The following FREM2 variants were observed in gnomAD, a reference collection of about 807,000 sequenced individuals.
The protein encoded by FREM2 is FRAS1-related extracellular matrix protein 2.
FREM2 carries 119 observed loss-of-function variants against 219.9 expected under a neutral mutation model. The ratio of observed to expected loss-of-function variants is 0.54; its 90% CI spans 0.47 to 0.63. The LOEUF (loss-of-function observed/expected upper bound fraction) is 0.63, where lower values mean the gene tolerates loss of function less well. Ranked by LOEUF, FREM2 falls within the 30% of genes least tolerant of loss-of-function variation. The probability of loss-of-function intolerance (pLI) is 0.00; values close to 1 mark genes in which losing one functional copy is unlikely to be tolerated. For synonymous variants in FREM2, 1,562 were observed against 1,522.8 expected, an observed-to-expected ratio of 1.03 and a Z score of -0.60; for missense variants, 4,030 against 3,993.6, an observed-to-expected ratio of 1.01 and a Z score of -0.25.
chr13:38,764,173 T>G (rs1873344295), intron 2 of FREM2, 131 bp from the exon 3 acceptor site: 2 of 689,624 alleles, frequency 2.9e-6, no homozygotes, highest in Non-Finnish European at 5.3e-6. Context: ...ATGTACATAT[T>G]CCAGAGTTGT....
chr13:38,856,127 A>T lies in FREM2; in HGVS notation c.6927A>T (p.Glu2309Asp), dbSNP rs1877547773. 1 of 1,605,642 alleles carries T rather than the reference A, an allele frequency of 6.2e-7. No individual in the cohort carries two copies. The highest frequency in any genetic ancestry group is 1.3e-5 in the African/African-American group (1 of 74,708). ...AAATCTGTGATGTTACATTTGTAGA[A>T]ATTGAGTTTAAGGAAGGGGAAACCC... ...SGEDYHPVSEEIEFKEGETQH... is the reference protein window; with the variant it reads ...SGEDYHPVSEDIEFKEGETQH... Residue 2309 changes from glutamate (E) to aspartate (D), a missense_variant and splice_region_variant, in exon 12 of 24, where the codon GAA becomes GAT. This residue lies in a region of FREM2 where 3,102 missense variants were observed against 2,950.7 expected (regional missense o/e 1.05). Coordinates refer to ENST00000280481, the MANE Select transcript of FREM2 (RefSeq NM_207361.6).
chr13:38,694,649 G>C (rs1217691932), intron 1 of FREM2, among the ~76,000 whole-genome samples: 1 of 152,222 alleles, frequency 6.6e-6, no homozygotes, highest in East Asian at 1.9e-4. Context: ...CAGGTAGCTA[G>C]AGAAGGTTAT....
chr13:38,687,211 G>C lies in FREM2; in HGVS notation c.-134G>C. 3 of 1,300,470 alleles carry C rather than the reference G, an allele frequency of 2.3e-6. No individual in the cohort carries two copies. In the South Asian group the frequency reaches 4.0e-5, roughly 17 times the overall value. 80.6% of individuals were successfully genotyped at this position (1,300,470 alleles called of 1,614,324 possible). On this transcript the variant is annotated 5_prime_UTR_variant, in exon 1 of 24. Coordinates refer to ENST00000280481, the MANE Select transcript of FREM2 (RefSeq NM_207361.6). ...GCAACTTTGCCATCCTTCTGGCCCA[G>C]CCCCGGCTACAGGAGGACCCCGCGG...
chr13:38,847,539 A>G (rs35657252), intron 7 of FREM2, among the ~76,000 whole-genome samples: 18,733 of 152,138 alleles, frequency 0.12, 1,379 homozygotes, highest in Admixed American at 0.21. Flanking sequence ...AGAAAGATTC[A>G]AATCACAGAT....
At chr13:38,878,070 T>C in intron 21 of FREM2, 64 bp from the exon 22 acceptor site, 1 of 1,328,878 alleles carries the variant, frequency 7.5e-7, no homozygotes, top group East Asian at 2.3e-5. Context: ...ATAACCTGTT[T>C]ACAGTGTCAC....
chr13:38,754,901 G>GATTATTATT (rs6145018), intron 2 of FREM2, among the ~76,000 whole-genome samples: 11,000 of 128,348 alleles, frequency 0.086, 701 homozygotes, highest in Non-Finnish European at 0.12. Flanking sequence ...TGATGATGAT[G>GATTATTATT]ATTATTATTA....
intron 2 of FREM2, among the ~76,000 whole-genome samples, chr13:38,732,734 A>G (rs1344657642): frequency 6.6e-6 from 1 of 152,202 alleles, no homozygotes; most frequent in African/African-American, 2.4e-5. Flanking sequence ...CAAGAATAGT[A>G]AGGGGAATTA....
chr13:38,734,920 A>G (rs1375818726), intron 2 of FREM2, among the ~76,000 whole-genome samples: 3 of 151,638 alleles, frequency 2.0e-5, no homozygotes, highest in Non-Finnish European at 4.4e-5. Flanking sequence ...CTAACTTTTT[A>G]TATTTTTAGT....
chr13:38,830,020 A>G (rs993630291), intron 6 of FREM2, among the ~76,000 whole-genome samples: 10 of 152,132 alleles, frequency 6.6e-5, no homozygotes, highest in African/African-American at 2.4e-4. Context: ...AATCTAGGGG[A>G]TGCCCTCATC....
At chr13:38,846,943 A>G (rs1877180538) in intron 7 of FREM2, among the ~76,000 whole-genome samples, 1 of 152,208 alleles carries the variant, frequency 6.6e-6, no homozygotes, top group African/African-American at 2.4e-5. Flanking sequence ...TACAAACGTT[A>G]AGACTCAAAG....
At chr13:38,861,793 C>A (rs555880746) in intron 15 of FREM2, among the ~76,000 whole-genome samples, 2 of 152,138 alleles carry the variant, frequency 1.3e-5, no homozygotes, top group Admixed American at 1.3e-4. Context: ...TATCCAGACA[C>A]GATAAAACAA....
chr13:38,798,939 TTGTG>T (rs1874901449), intron 6 of FREM2, among the ~76,000 whole-genome samples: 1 of 152,032 alleles, frequency 6.6e-6, no homozygotes, highest in Non-Finnish European at 1.5e-5. Context: ...CACAGATTCT[TTGTG>T]TGGGTTTATT....
At chr13:38,777,473 C>T (rs968811015) in intron 4 of FREM2, among the ~76,000 whole-genome samples, 1 of 152,208 alleles carries the variant, frequency 6.6e-6, no homozygotes, top group South Asian at 2.1e-4. Flanking sequence ...CACCTACCAA[C>T]CTAACTTTCA....
chr13:38,750,231 G>A (rs937969618), intron 2 of FREM2, among the ~76,000 whole-genome samples: 8 of 152,056 alleles, frequency 5.3e-5, no homozygotes, highest in Admixed American at 2.6e-4. Flanking sequence ...TAATTCCCAC[G>A]TGTTGTGGGA....
In FREM2 at chr13:38,687,524, C is replaced by G; in HGVS notation, c.180C>G (p.Leu60=). 1 of 1,598,646 alleles carries G rather than the reference C, an allele frequency of 6.3e-7. No homozygotes were observed. The highest frequency in any genetic ancestry group is 8.5e-7 in the Non-Finnish European group (1 of 1,172,928). The change falls in exon 1 of 24, where the codon CTC becomes CTG. Residue 60 remains leucine, a synonymous_variant. Coordinates refer to ENST00000280481, the MANE Select transcript of FREM2 (RefSeq NM_207361.6). ...AFGRALLSPG[L]AGAAGVPAEE... is the part of the protein sequence containing the mutation. Reference sequence around the variant, plus strand: ...GCAGGGCGTTGCTGTCCCCTGGTCTCGCGGGGGCTGCAGGGGTCCCTGCTG... The same window carrying G: ...GCAGGGCGTTGCTGTCCCCTGGTCTGGCGGGGGCTGCAGGGGTCCCTGCTG...
chr13:38,762,054 A>G (rs1873246986), intron 2 of FREM2, among the ~76,000 whole-genome samples: 1 of 152,178 alleles, frequency 6.6e-6, no homozygotes, highest in East Asian at 1.9e-4. Flanking sequence ...GGGCTTGGGC[A>G]TGCGTGGCGT....
chr13:38,705,604 G>A (rs1870507533), intron 2 of FREM2, among the ~76,000 whole-genome samples: 1 of 152,130 alleles, frequency 6.6e-6, no homozygotes, highest in African/African-American at 2.4e-5. Context: ...CTCAGCCTCA[G>A]TTTCATTTAT....
At chr13:38,786,577 A>G (rs150247700) in intron 6 of FREM2, among the ~76,000 whole-genome samples, 83 of 152,318 alleles carry the variant, frequency 5.4e-4, no homozygotes, top group Admixed American at 3.3e-4. Context: ...CTAAATGCCT[A>G]TCTGCTCTTT....
chr13:38,772,355 A>T (rs1273464322), intron 4 of FREM2, among the ~76,000 whole-genome samples: 2 of 152,306 alleles, frequency 1.3e-5, no homozygotes, highest in East Asian at 1.9e-4. Flanking sequence ...AAAACAAGGT[A>T]TGAAGAGTAT....
Sources: gnomAD v4.1 joint callset for allele counts (sites outside exome capture counted in the v4.1 genomes callset) on GRCh38, gnomAD v4.1.1 for gene constraint, gnomAD v4.1.1 regional missense constraint, MANE v1.5 for transcripts, NCBI Gene and HGNC (gene_info 2026-07-23, HGNC 2026-07-21) for gene names.